The following DIAPH1 variants were observed in gnomAD, a reference collection of about 807,000 sequenced individuals.
DIAPH1 encodes the protein protein diaphanous homolog 1.
Under a neutral mutation model 140.7 loss-of-function variants are expected in DIAPH1, and 46 were observed. The ratio of observed to expected loss-of-function variants is 0.33; its 90% confidence interval spans 0.26 to 0.42. The LOEUF (loss-of-function observed/expected upper bound fraction) is 0.42. Among genes scored for constraint, DIAPH1 ranks in the 10% least tolerant of loss-of-function variants. The pLI is 1.00. For synonymous variants in DIAPH1, 565 were observed against 551.6 expected, an observed-to-expected ratio of 1.02 and a Z score of -0.34; for missense variants, 1,310 against 1,558.7, an observed-to-expected ratio of 0.84 and a Z score of 2.69.
chr5:141,572,267 C>T (rs1300735743), intron 16 of DIAPH1, among the ~76,000 whole-genome samples: 1 of 152,282 alleles, frequency 6.6e-6, no homozygotes, highest in East Asian at 1.9e-4. Context: ...ATATATACTA[C>T]GTATCCTCCT....
intron 27 of DIAPH1, among the ~76,000 whole-genome samples, chr5:141,522,595 A>C (rs1002900773): frequency 4.6e-5 from 7 of 152,064 alleles, no homozygotes; most frequent in African/African-American, 7.2e-5. Context: ...AAAAAAAAAA[A>C]AAACAATAAG....
chr5:141,598,072 G>C (rs1232885400), intron 1 of DIAPH1, among the ~76,000 whole-genome samples: 1 of 152,116 alleles, frequency 6.6e-6, no homozygotes, highest in Non-Finnish European at 1.5e-5. Context: ...TTAAAATCTA[G>C]GTGCACTCGT....
chr5:141,571,730 C>T, intron 17 of DIAPH1, 196 bp downstream of exon 17: 1 of 701,376 alleles, frequency 1.4e-6, no homozygotes. Flanking sequence ...CAACAGTTCT[C>T]TTTCCCAAAC....
In DIAPH1 at chr5:141,526,863, A is replaced by ATT. The variant is rs35779966; in HGVS notation, c.3274-404_3274-403dup. Among the ~76,000 whole-genome samples, 720 of 151,896 alleles carry ATT rather than the reference A, an allele frequency of 4.7e-3. 7 individuals carry two copies. The highest frequency in any genetic ancestry group is 0.016 in the African/African-American group (672 of 41,434). ...AGGCGCGCACCATCACGCCCAGCTG[A>ATT]TTTTTTTGTATTTTTAGTAGAGATG... On this transcript the variant is annotated intron_variant, in intron 24 of 27. Coordinates refer to ENST00000389054, the MANE Select transcript of DIAPH1 (RefSeq NM_005219.5).
chr5:141,598,085 ACACT>A (rs2099899596), intron 1 of DIAPH1, among the ~76,000 whole-genome samples: 1 of 152,190 alleles, frequency 6.6e-6, no homozygotes, highest in South Asian at 2.1e-4. Flanking sequence ...GCACTCGTAA[ACACT>A]CACAGAATCT....
At chr5:141,521,364 C>G (rs916570668) in intron 27 of DIAPH1, among the ~76,000 whole-genome samples, 3 of 152,166 alleles carry the variant, frequency 2.0e-5, no homozygotes, top group Admixed American at 1.3e-4. Flanking sequence ...AAACCACAAG[C>G]TGACTCAATC....
intron 16 of DIAPH1, 86 bp downstream of exon 16, chr5:141,573,406 G>A: frequency 6.6e-7 from 1 of 1,522,234 alleles, no homozygotes. Context: ...CTGCACTCCA[G>A]CCTGGGCGAC....
chr5:141,529,452 T>A, intron 20 of DIAPH1, 151 bp downstream of exon 20: 1 of 889,042 alleles, frequency 1.1e-6, no homozygotes, highest in South Asian at 1.4e-5. Flanking sequence ...ATACCAGAAG[T>A]AATCTGACCA....
intron 18 of DIAPH1, among the ~76,000 whole-genome samples, chr5:141,568,113 T>A (rs1397010815): frequency 1.3e-5 from 2 of 152,178 alleles, no homozygotes; most frequent in African/African-American, 4.8e-5. Context: ...ATTTAAGACA[T>A]GAGTTATCAC....
chr5:141,568,999 T>G (rs2099894776), intron 18 of DIAPH1, among the ~76,000 whole-genome samples: 1 of 152,142 alleles, frequency 6.6e-6, no homozygotes, highest in Non-Finnish European at 1.5e-5. Context: ...TTTATAACCC[T>G]AAATATCTAG....
chr5:141,603,906 G>A (rs1166344088), intron 1 of DIAPH1, among the ~76,000 whole-genome samples: 1 of 152,102 alleles, frequency 6.6e-6, no homozygotes, highest in Non-Finnish European at 1.5e-5. Flanking sequence ...ACTGGCAGCC[G>A]GCATCCTAGG....
chr5:141,606,976 A>G (rs1490874766), intron 1 of DIAPH1, among the ~76,000 whole-genome samples: 3 of 151,222 alleles, frequency 2.0e-5, no homozygotes, highest in Non-Finnish European at 4.4e-5. Context: ...AAAAAAAAAA[A>G]GGAAGCAAAC....
At chr5:141,528,067 C>A (rs144474025) in intron 23 of DIAPH1, among the ~76,000 whole-genome samples, 1 of 152,072 alleles carries the variant, frequency 6.6e-6, no homozygotes, top group East Asian at 1.9e-4. Flanking sequence ...AATATAGAGG[C>A]GGGGGCAGAA....
At chr5:141,582,574 C>A (rs1016648904) in intron 6 of DIAPH1, among the ~76,000 whole-genome samples, 199 bp from the exon 7 acceptor site, 2 of 152,144 alleles carry the variant, frequency 1.3e-5, no homozygotes, top group African/African-American at 4.8e-5. Context: ...TCTGGCTGAT[C>A]CTCTTGTAAT....
chr5:141,519,799 G>T (rs1236797657), intron 27 of DIAPH1, among the ~76,000 whole-genome samples: 1 of 152,174 alleles, frequency 6.6e-6, no homozygotes, highest in Non-Finnish European at 1.5e-5. Flanking sequence ...ATTATGCTCA[G>T]CAGGTTGAAC....
intron 18 of DIAPH1, among the ~76,000 whole-genome samples, chr5:141,542,139 T>G (rs112125893): frequency 6.6e-6 from 1 of 152,112 alleles, no homozygotes; most frequent in African/African-American, 2.4e-5. Flanking sequence ...AACGTAGAAA[T>G]AGTCTAACTG....
intron 18 of DIAPH1, among the ~76,000 whole-genome samples, chr5:141,539,940 C>G (rs2099889717): frequency 6.7e-6 from 1 of 149,128 alleles, no homozygotes; most frequent in Non-Finnish European, 1.5e-5. Flanking sequence ...TCCCTAATTT[C>G]TATTATTTCT....
At position 141,603,578 on chromosome 5, in the gene DIAPH1, G is replaced by A. The variant is rs190311709; in HGVS notation, c.117+15220C>T. ...GTGTCAAGCACAAGTTAGAAATGCC[G>A]TATAAAGAACAGTAGTAACTGTAGT... On this transcript the variant is annotated intron_variant, in intron 1 of 27. Transcript: ENST00000389054. Among the ~76,000 whole-genome samples the A allele has an allele frequency of 1.6e-3, 244 of 152,222 alleles. 2 individuals carry two copies. The highest frequency in any genetic ancestry group is 0.013 in the Admixed American group (206 of 15,288).
chr5:141,596,058 G>A (rs929672013), intron 1 of DIAPH1, among the ~76,000 whole-genome samples: 3 of 152,132 alleles, frequency 2.0e-5, no homozygotes, highest in Admixed American at 6.5e-5. Flanking sequence ...GGCCAGCCGC[G>A]GTGGCTCACG....
Sources: gnomAD v4.1 joint callset for allele counts (sites outside exome capture counted in the v4.1 genomes callset) on GRCh38, gnomAD v4.1.1 for gene constraint, MANE v1.5 for transcripts, NCBI Gene and HGNC (gene_info 2026-07-23, HGNC 2026-07-21) for gene names.